The following MORF4L1 variants were observed in gnomAD, a reference collection of about 807,000 sequenced individuals.
The protein encoded by MORF4L1 is mortality factor 4-like protein 1.
MORF4L1 carries 4 observed loss-of-function variants against 52.9 expected under a neutral mutation model. That is an observed-to-expected ratio of 0.08 (90% CI 0.04 to 0.17). MORF4L1 has a LOEUF of 0.17. Among genes scored for constraint, MORF4L1 ranks in the 10% least tolerant of loss-of-function variants. The probability of loss-of-function intolerance (pLI) is 1.00; values close to 1 mark genes in which losing one functional copy is unlikely to be tolerated. For missense variants in MORF4L1, 214 were observed against 390.4 expected, an observed-to-expected ratio of 0.55 and a Z score of 3.81; for synonymous variants, 123 against 134.8, an observed-to-expected ratio of 0.91 and a Z score of 0.61.
rs141936198 is a variant in MORF4L1, at chr15:78,885,347, G to T, written c.156-794G>T. Among the ~76,000 whole-genome samples the T allele has an allele frequency of 4.9e-3, 744 of 152,166 alleles. 5 individuals are homozygous for T. Among genetic ancestry groups the T allele is most frequent in the Middle Eastern group, 0.014 (4 of 292 alleles). On this transcript the variant is annotated intron_variant, in intron 3 of 11. Transcript: ENST00000426013. ...TTACATTGTTTTTGTTTGCCATTTTGGGGGAAAAAACACATAATCAGAAAT... is the reference window on the plus strand; with the variant it reads ...TTACATTGTTTTTGTTTGCCATTTTTGGGGAAAAAACACATAATCAGAAAT...
chr15:78,887,552 C>G (rs950730485), intron 5 of MORF4L1: 3 of 443,742 alleles, frequency 6.8e-6, no homozygotes, highest in Non-Finnish European at 1.2e-5. Context: ...CTCCCTTTAA[C>G]TTGTGTGTAT....
intron 11 of MORF4L1, among the ~76,000 whole-genome samples, chr15:78,895,440 C>T (rs1424051398): frequency 2.6e-5 from 4 of 152,164 alleles, no homozygotes; most frequent in Non-Finnish European, 5.9e-5. Flanking sequence ...TAAAGTAGCA[C>T]TTGTCAGATT....
At chr15:78,876,859 A>ACTTTATTAAC (rs2056502561) in intron 1 of MORF4L1, among the ~76,000 whole-genome samples, 13 of 152,298 alleles carry the variant, frequency 8.5e-5, no homozygotes, top group African/African-American at 3.1e-4. Flanking sequence ...AATAAAGTTA[A>ACTTTATTAAC]TAGGTCGTGC....
rs114308942 is a variant in MORF4L1 at position 78,895,863 on chromosome 15, G to A, written c.887+959G>A. ...CTGCAACGTGGACTTGAGAATGTAG[G>A]CAAGATTTATCATCTTTTCTTTACT... On this transcript the variant is annotated intron_variant, in intron 11 of 11. Transcript: ENST00000426013. Among the ~76,000 whole-genome samples the A allele has an allele frequency of 7.5e-3, 1,140 of 152,068 alleles. 17 individuals carry two copies. The highest frequency in any genetic ancestry group is 0.025 in the African/African-American group (1,041 of 41,468).
Position 78,894,240 on chromosome 15 carries a change from CAT to C in MORF4L1, c.802+11_802+12del, listed in dbSNP as rs1179817195. The C allele has an allele frequency of 6.3e-7, 1 of 1,591,054 alleles. No individual in the cohort carries two copies. Among genetic ancestry groups the C allele is most frequent in the South Asian group, 1.1e-5 (1 of 87,278 alleles). On this transcript the variant is annotated intron_variant, in intron 10 of 11. Transcript: ENST00000426013. ...CTCCTGAGATTATTTGGTAATATGT[CAT>C]GTAGAAAATAATGGATTTTACTTTT...
intron 3 of MORF4L1, among the ~76,000 whole-genome samples, chr15:78,881,319 C>A (rs2196291): frequency 1.0e-3 from 154 of 151,288 alleles, no homozygotes; most frequent in African/African-American, 3.6e-3. Flanking sequence ...CCTCAGCCTC[C>A]TGAGTAGCTG....
chr15:78,878,301 T>A (rs1352119078), intron 2 of MORF4L1, 42 bp downstream of exon 2: 2 of 1,567,616 alleles, frequency 1.3e-6, no homozygotes, highest in South Asian at 1.2e-5. Flanking sequence ...CCAAAACTAC[T>A]GGTTAGATCT....
At chr15:78,874,081 CTTTA>C (rs2056430141) in intron 1 of MORF4L1, among the ~76,000 whole-genome samples, 1 of 152,148 alleles carries the variant, frequency 6.6e-6, no homozygotes, top group African/African-American at 2.4e-5. Flanking sequence ...GAAGGCAGCT[CTTTA>C]AATTTTCACA....
chr15:78,880,882 T>C (rs1046620290), intron 3 of MORF4L1, among the ~76,000 whole-genome samples: 5 of 149,514 alleles, frequency 3.3e-5, no homozygotes, highest in South Asian at 2.1e-4. Flanking sequence ...TTTTTTTTTT[T>C]CCTGGTTTTG....
intron 5 of MORF4L1, 65 bp from the exon 6 acceptor site, chr15:78,890,924 A>C: frequency 7.5e-7 from 1 of 1,338,724 alleles, no homozygotes; most frequent in Non-Finnish European, 9.8e-7. Flanking sequence ...ACCCTGATAA[A>C]GGGAGTTGAA....
intron 1 of MORF4L1, chr15:78,873,933 G>A (rs1174988862): frequency 6.6e-6 from 1 of 152,208 alleles, no homozygotes; most frequent in African/African-American, 2.4e-5. Context: ...AAGTCCCATT[G>A]CCTCGACGTC....
chr15:78,892,084 T>A, intron 7 of MORF4L1, 128 bp from the exon 8 acceptor site: 185 of 499,176 alleles, frequency 3.7e-4, no homozygotes, highest in Non-Finnish European at 4.4e-4. Context: ...TTTTAAAAAA[T>A]GACAGTACAG....
chr15:78,876,744 C>A (rs190969937), intron 1 of MORF4L1, among the ~76,000 whole-genome samples: 58 of 152,266 alleles, frequency 3.8e-4, no homozygotes, highest in African/African-American at 1.2e-3. Context: ...TTCCCGTTTT[C>A]CAGTCTCCGT....
intron 6 of MORF4L1, 61 bp from the exon 7 acceptor site, chr15:78,891,423 A>G (rs774845540): frequency 6.1e-5 from 76 of 1,248,154 alleles, no homozygotes; most frequent in Non-Finnish European, 8.2e-5. Context: ...TCAAGAGACT[A>G]TTTTCCTTAT....
intron 5 of MORF4L1, among the ~76,000 whole-genome samples, chr15:78,888,862 A>G (rs986448974): frequency 2.0e-5 from 3 of 152,194 alleles, no homozygotes; most frequent in African/African-American, 4.8e-5. Context: ...AGGATTGTTC[A>G]TAGTTTTAAT....
chr15:78,875,699 T>C (rs2056472511), intron 1 of MORF4L1, among the ~76,000 whole-genome samples: 1 of 151,318 alleles, frequency 6.6e-6, no homozygotes, highest in Non-Finnish European at 1.5e-5. Flanking sequence ...AGACAGGAAA[T>C]CGCTTGAACC....
intron 1 of MORF4L1, among the ~76,000 whole-genome samples, chr15:78,877,333 T>C (rs2056514050): frequency 6.6e-6 from 1 of 152,160 alleles, no homozygotes. Flanking sequence ...TTGGCCAGGC[T>C]GGTCTCAAAC....
intron 5 of MORF4L1, among the ~76,000 whole-genome samples, chr15:78,889,635 A>G (rs185606279): frequency 6.6e-6 from 1 of 152,316 alleles, no homozygotes; most frequent in African/African-American, 2.4e-5. Flanking sequence ...GTGCAAGTAA[A>G]GTTCATGGTT....
chr15:78,873,390 G>A, intron 1 of MORF4L1, among the ~76,000 whole-genome samples: 1 of 152,060 alleles, frequency 6.6e-6, no homozygotes, highest in Non-Finnish European at 1.5e-5. Context: ...GCGCCATGGC[G>A]GCGGTTAGGG....
Sources: gnomAD v4.1 joint callset for allele counts (sites outside exome capture counted in the v4.1 genomes callset) on GRCh38, gnomAD v4.1.1 for gene constraint, MANE v1.5 for transcripts, NCBI Gene and HGNC (gene_info 2026-07-23, HGNC 2026-07-21) for gene names.